Variants in SUN3 observed in about 807,000 individuals in gnomAD.
SUN3 encodes the protein SUN domain-containing protein 3.
A neutral mutation model predicts 48.2 loss-of-function variants in SUN3; 36 were observed. That is an observed-to-expected ratio of 0.75 (90% confidence interval 0.57 to 0.99). SUN3 has a LOEUF of 0.99. SUN3 is among the 50% of genes least tolerant of loss of function. The pLI is 0.00. For missense variants in SUN3, 419 were observed against 433.1 expected (o/e 0.97, Z 0.29); for synonymous variants, 148 against 147.9 (o/e 1.00, Z 0.00).
At chr7:47,990,954 G>C (rs1456833158) in intron 8 of SUN3, 6 of 388,174 alleles carry the variant, frequency 1.5e-5, no homozygotes, top group Admixed American at 3.1e-5. Context: ...ACTTGAGGGT[G>C]GGGGGTGGGA....
chr7:48,031,096 A>G (rs749896126), upstream of SUN3, among the ~76,000 whole-genome samples: 11 of 152,264 alleles, frequency 7.2e-5, no homozygotes, highest in Admixed American at 1.3e-4. Context: ...TTTAAATATG[A>G]CATCAAAAGC....
In SUN3 at chr7:47,996,052, C is replaced by A; in HGVS notation, c.672G>T (p.Met224Ile). The change falls in exon 7 of 10, where the codon ATG becomes ATT. Residue 224 changes from methionine (M) to isoleucine (I), a missense_variant. By Grantham distance (10) the Met-to-Ile change is conservative. Coordinates refer to ENST00000297325, the MANE Select transcript of SUN3 (RefSeq NM_001030019.2). ...WHGIGFLNHE[M>I]PPDIILQPDV... The stretch of plus-strand genomic sequence containing the variant: ...TTACCTGAAGAATAATATCTGGAGG[C>A]ATTTCATGATTTAGGAAACCTATCC... 1 of 1,569,964 alleles carries A rather than the reference C, an allele frequency of 6.4e-7. No homozygotes were observed. The highest frequency in any genetic ancestry group is 1.2e-5 in the South Asian group (1 of 83,206).
In SUN3 at chr7:48,007,052, C is replaced by T. The variant is rs1789542186; in HGVS notation, c.492+113G>A. ...ATATCAGTCAACACTGGACTTCCCA[C>T]TGGGAGAAGAAGCAGATGTGACATC... On this transcript the variant is annotated intron_variant, in intron 5 of 9. Coordinates refer to ENST00000297325, the MANE Select transcript of SUN3 (RefSeq NM_001030019.2). 27 of 1,089,416 alleles carry T rather than the reference C, an allele frequency of 2.5e-5. 1 individual carries two copies. In the South Asian group the frequency reaches 4.8e-4, roughly 19 times the overall value. 67.5% of individuals were successfully genotyped at this position (1,089,416 alleles called of 1,614,324 possible).
chr7:47,988,378 A>G (rs1381182766), intron 9 of SUN3, among the ~76,000 whole-genome samples: 2 of 152,190 alleles, frequency 1.3e-5, no homozygotes, highest in African/African-American at 4.8e-5. Context: ...ATTATCTGAT[A>G]TTAAATCTTT....
chr7:48,021,521 A>G (rs953870083), intron 2 of SUN3, among the ~76,000 whole-genome samples: 11 of 151,960 alleles, frequency 7.2e-5, no homozygotes, highest in Admixed American at 7.2e-4. Flanking sequence ...ACAAGGGATT[A>G]ATAAGAAGAA....
chr7:47,987,412 T>C lies in SUN3; in HGVS notation c.992A>G (p.Asn331Ser), dbSNP rs745641699. ...VSEYLLCVKL[N>S]IFSNWGHPKY... ...CGGGTGTCCCCAGTTGCTAAAGATA[T>C]TAAGTTTCACACATAATAAATATTC... Residue 331 changes from asparagine to serine, a missense_variant, in exon 10 of 10, where the codon AAT becomes AGT. Transcript: ENST00000297325. 3.7e-6 allele frequency: 6 copies of C among 1,600,854 alleles called. No homozygotes were observed. The South Asian group carries it at 4.5e-5, about 12-fold the overall frequency.
intron 8 of SUN3, among the ~76,000 whole-genome samples, chr7:47,993,653 G>A (rs1355710027): frequency 6.6e-6 from 1 of 152,124 alleles, no homozygotes; most frequent in Non-Finnish European, 1.5e-5. Context: ...CCAGGGGCTG[G>A]AGGAGTACAC....
At chr7:48,031,006 AAAC>A (rs1204452043), upstream of SUN3, among the ~76,000 whole-genome samples, 37 of 152,364 alleles carry the variant, frequency 2.4e-4, no homozygotes, top group African/African-American at 8.9e-4. Flanking sequence ...TAAAAGACTT[AAAC>A]ATAAGACCTC....
At chr7:47,993,918 T>C (rs1468956721) in intron 8 of SUN3, among the ~76,000 whole-genome samples, 1 of 152,128 alleles carries the variant, frequency 6.6e-6, no homozygotes. Flanking sequence ...TCATTTTCAA[T>C]GAGAGGATGT....
chr7:48,001,016 AT>A (rs1283303421), intron 6 of SUN3, among the ~76,000 whole-genome samples: 3 of 151,140 alleles, frequency 2.0e-5, no homozygotes, highest in Non-Finnish European at 4.4e-5. Flanking sequence ...TTCTGTTTGC[AT>A]TTTTTTCAAA....
chr7:48,034,307 A>T, the SUN3 span, among the ~76,000 whole-genome samples: 12 of 152,200 alleles, frequency 7.9e-5, no homozygotes, highest in Non-Finnish European at 1.3e-4. Context: ...ATTCCTGCAC[A>T]AAAACTATCT....
At chr7:48,029,175 A>T (rs943911597), upstream of SUN3, 10 of 492,040 alleles carry the variant, frequency 2.0e-5, no homozygotes, top group Non-Finnish European at 3.2e-5. Flanking sequence ...CAGCCAGGGC[A>T]TGGACAGGCA....
At chr7:47,987,582 G>T in intron 9 of SUN3, 133 bp from the exon 10 acceptor site, 1 of 827,364 alleles carries the variant, frequency 1.2e-6, no homozygotes, top group South Asian at 2.6e-5. Flanking sequence ...CACACAGGCT[G>T]GAATGCAGTG....
At chr7:48,008,126 G>T (rs569612227) in intron 4 of SUN3, among the ~76,000 whole-genome samples, 11 of 152,302 alleles carry the variant, frequency 7.2e-5, no homozygotes, top group Admixed American at 2.6e-4. Flanking sequence ...GCCCGGCCAA[G>T]AATGGGTTTT....
At chr7:48,008,952 C>T in intron 4 of SUN3, 83 bp downstream of exon 4, 1 of 1,351,990 alleles carries the variant, frequency 7.4e-7, no homozygotes, top group Non-Finnish European at 1.0e-6. Context: ...AGTAACTTTT[C>T]TTTCTTATAC....
chr7:47,995,904 G>T, intron 7 of SUN3, 127 bp downstream of exon 7: 1 of 534,884 alleles, frequency 1.9e-6, no homozygotes, highest in Non-Finnish European at 3.3e-6. Flanking sequence ...ATAATGAGAT[G>T]ATTTCAGATT....
In SUN3 at chr7:48,024,691, G is replaced by A. The variant is rs553705011; in HGVS notation, c.184+1186C>T. Among the ~76,000 whole-genome samples, 57 of 151,752 alleles carry A rather than the reference G, an allele frequency of 3.8e-4. 3 individuals are homozygous for A. In the South Asian group the frequency reaches 0.011, roughly 29 times the overall value. On this transcript the variant is annotated intron_variant, in intron 2 of 9. Transcript: ENST00000297325. ...CTGGTGAGGGTCTCCAGCTGCTTCCGCTCATGGTGGAAGGCAAAGGAGGAG... is the reference window on the plus strand; with the variant it reads ...CTGGTGAGGGTCTCCAGCTGCTTCCACTCATGGTGGAAGGCAAAGGAGGAG...
At chr7:48,030,827 G>A (rs188345233), upstream of SUN3, among the ~76,000 whole-genome samples, 2 of 152,254 alleles carry the variant, frequency 1.3e-5, no homozygotes, top group South Asian at 2.1e-4. Context: ...GAATAAATCC[G>A]CACATATACA....
At chr7:47,991,069 A>T (rs1209560230) in intron 8 of SUN3, 1 of 455,190 alleles carries the variant, frequency 2.2e-6, no homozygotes, top group East Asian at 7.0e-5. Context: ...TAAAATAAAA[A>T]ACAAATAAAC....
Sources: gnomAD v4.1 joint callset for allele counts (sites outside exome capture counted in the v4.1 genomes callset) on GRCh38, gnomAD v4.1.1 for gene constraint, MANE v1.5 for transcripts, NCBI Gene and HGNC (gene_info 2026-07-23, HGNC 2026-07-21) for gene names.